Variants in STX3 observed in about 807,000 individuals in gnomAD.
STX3 encodes syntaxin 3, also known as syntaxin-3.
A neutral mutation model predicts 40.2 loss-of-function variants in STX3; 19 were observed. That is an observed-to-expected ratio of 0.47 (90% CI 0.33 to 0.69). STX3 has a LOEUF of 0.69. Among genes scored for constraint, STX3 ranks in the 30% least tolerant of loss-of-function variants. The probability of loss-of-function intolerance (pLI) is 0.02; values close to 1 mark genes in which losing one functional copy is unlikely to be tolerated. For missense variants in STX3, 364 were observed against 366.7 expected, an observed-to-expected ratio of 0.99 and a Z score of 0.06; for synonymous variants, 122 against 132.2, an observed-to-expected ratio of 0.92 and a Z score of 0.53.
chr11:59,800,090 T>C (rs1299708529), intron 10 of STX3: 9 of 985,304 alleles, frequency 9.1e-6, no homozygotes, highest in South Asian at 9.4e-5. Flanking sequence ...CTAATTAATA[T>C]GTTGTTTTTG....
At chr11:59,800,195 CTGAT>C (rs1203680816) in intron 10 of STX3, 3 of 985,286 alleles carry the variant, frequency 3.0e-6, no homozygotes, top group Non-Finnish European at 3.6e-6. Flanking sequence ...AAAGTCAAGA[CTGAT>C]TGTTGCCTAG....
intron 1 of STX3, among the ~76,000 whole-genome samples, chr11:59,764,497 A>G (rs1317964478): frequency 1.3e-5 from 2 of 152,222 alleles, no homozygotes; most frequent in Non-Finnish European, 2.9e-5. Context: ...GTATCTCTGT[A>G]GAGGTACAGA....
At position 59,798,622 on chromosome 11, in the gene STX3, C is replaced by T. The variant is rs368572344; in HGVS notation, c.*30+1226C>T. Reference sequence around the variant, plus strand: ...GCAGCCTCCGCCTCCTGGGTTCAAGCGATTCTCCTGCCTCAGCCTCCCGAG... The same window carrying T: ...GCAGCCTCCGCCTCCTGGGTTCAAGTGATTCTCCTGCCTCAGCCTCCCGAG... On this transcript the variant is annotated intron_variant, in intron 10 of 10. Transcript: ENST00000337979. Among the ~76,000 whole-genome samples the T allele has an allele frequency of 3.9e-3, 585 of 150,728 alleles. 43 individuals carry two copies. In the South Asian group the frequency reaches 0.12, roughly 30 times the overall value.
At chr11:59,788,745 AG>A in intron 3 of STX3, 127 bp from the exon 4 acceptor site, 1 of 662,688 alleles carries the variant, frequency 1.5e-6, no homozygotes, top group Non-Finnish European at 2.6e-6. Context: ...GGGAGTGCGT[AG>A]GGATAAATAC....
In STX3 at chr11:59,755,650, A is replaced by G. The variant is rs1402592723; in HGVS notation, c.30+15A>G. The G allele has an allele frequency of 6.3e-7, 1 of 1,591,520 alleles. No homozygotes were observed. Among genetic ancestry groups the G allele is most frequent in the Admixed American group, 1.7e-5 (1 of 59,392 alleles). The stretch of plus-strand genomic sequence containing the variant: ...AGCTGAAGGCCGTGAGTTTCGCCGC[A>G]GGCGGGGTGCTGCCAGGAGGGGTGC... On this transcript the variant is annotated intron_variant, in intron 1 of 10. Coordinates refer to ENST00000337979, the MANE Select transcript of STX3 (RefSeq NM_004177.5).
rs550068023 is a variant in STX3, at chr11:59,780,631, C to T, written c.115-6406C>T. On this transcript the variant is annotated intron_variant, in intron 2 of 10. Coordinates refer to ENST00000337979, the MANE Select transcript of STX3 (RefSeq NM_004177.5). ...AGACCCCGCCTCCATGGTCCCAGTT[C>T]TGCTGGTCAACTCCACCATGGTCTG... Among the ~76,000 whole-genome samples the T allele has an allele frequency of 5.1e-4, 77 of 152,296 alleles. 1 individual carries two copies. The highest frequency in any genetic ancestry group is 2.3e-3 in the Admixed American group (35 of 15,294).
intron 10 of STX3, chr11:59,799,698 C>T (rs939095333): frequency 1.0e-6 from 1 of 985,322 alleles, no homozygotes; most frequent in African/African-American, 1.7e-5. Flanking sequence ...ATTCCTCCTC[C>T]TTCCATGTGA....
In STX3 at chr11:59,802,559, T is replaced by C. The variant is rs1404986565; in HGVS notation, c.*1735T>C. The C allele has an allele frequency of 1.0e-6, 1 of 985,746 alleles. No individual in the cohort carries two copies. The highest frequency in any genetic ancestry group is 6.1e-5 in the Admixed American group (1 of 16,270). The allele number at this position is 985,746 out of a possible 1,614,324, so 61.1% of individuals were successfully genotyped here. Reference sequence around the variant, plus strand: ...ACAAGAGACAAAATAACTAAAGGCCTTTGCTCTCCTCTGACATTGAGGCCT... The same window carrying C: ...ACAAGAGACAAAATAACTAAAGGCCCTTGCTCTCCTCTGACATTGAGGCCT... On this transcript the variant is annotated 3_prime_UTR_variant, in exon 11 of 11. Transcript: ENST00000337979.
At chr11:59,795,659 C>A (rs185211613) in intron 9 of STX3, 177 bp downstream of exon 9, 7 of 1,537,422 alleles carry the variant, frequency 4.6e-6, no homozygotes, top group Non-Finnish European at 6.1e-6. Flanking sequence ...CTTTGTGGAG[C>A]GGGCCGTGGC....
At chr11:59,795,814 C>G in intron 9 of STX3, 2 of 983,584 alleles carry the variant, frequency 2.0e-6, no homozygotes, top group Non-Finnish European at 3.0e-6. Flanking sequence ...GCCTCCCTCC[C>G]TGTCGTAGCC....
intron 10 of STX3, chr11:59,800,197 G>GA (rs1325054053): frequency 1.0e-6 from 1 of 985,304 alleles, no homozygotes; most frequent in African/African-American, 1.7e-5. Context: ...AGTCAAGACT[G>GA]ATTGTTGCCT....
In STX3 at chr11:59,755,422, C is replaced by T; in HGVS notation, c.-184C>T. ...GGTGGGGGCGGAGGGGGCTGCGCGG[C>T]GGAGGCTCCCGTGGCCTCGGACGCT... On this transcript the variant is annotated 5_prime_UTR_variant, in exon 1 of 11. Transcript: ENST00000337979. The T allele has an allele frequency of 1.9e-6, 1 of 516,604 alleles. No homozygotes were observed. Among genetic ancestry groups the T allele is most frequent in the Non-Finnish European group, 3.0e-6 (1 of 329,526 alleles). The allele number at this position is 516,604 out of a possible 1,614,324, so 32.0% of individuals were successfully genotyped here.
chr11:59,788,371 G>A (rs1354868341), intron 3 of STX3, among the ~76,000 whole-genome samples: 1 of 152,216 alleles, frequency 6.6e-6, no homozygotes, highest in Non-Finnish European at 1.5e-5. Flanking sequence ...AGTTGTAGTA[G>A]GGGCTGAAGG....
At position 59,788,985 on chromosome 11, in the gene STX3, A is replaced by G. The variant is rs1430633671; in HGVS notation, c.289+38A>G. The stretch of plus-strand genomic sequence containing the variant: ...CAAAGAAAACAAGGCCGTCCCCACC[A>G]CCATCTATCTCAGCTCCCCTAGGGT... On this transcript the variant is annotated intron_variant, in intron 4 of 10. Coordinates refer to ENST00000337979, the MANE Select transcript of STX3 (RefSeq NM_004177.5). 1.9e-6 allele frequency: 3 copies of G among 1,562,268 alleles called. No individual in the cohort carries two copies. In the Admixed American group the frequency reaches 5.4e-5, roughly 28 times the overall value.
intron 10 of STX3, chr11:59,799,627 T>C: frequency 1.0e-6 from 1 of 984,840 alleles, no homozygotes; most frequent in Non-Finnish European, 1.2e-6. Flanking sequence ...TGGCACATAA[T>C]ACCATGCCAG....
At chr11:59,769,088 A>G (rs767341067) in intron 1 of STX3, among the ~76,000 whole-genome samples, 8 of 152,200 alleles carry the variant, frequency 5.3e-5, no homozygotes, top group Non-Finnish European at 8.8e-5. Context: ...TTCTTTATCC[A>G]ATCATCCATT....
intron 10 of STX3, chr11:59,800,279 G>A (rs970119683): frequency 7.7e-5 from 76 of 985,250 alleles, no homozygotes; most frequent in Non-Finnish European, 8.6e-5. Flanking sequence ...TAGACAGTGT[G>A]TTTATATTTC....
At chr11:59,792,607 A>C (rs1260806308) in intron 6 of STX3, among the ~76,000 whole-genome samples, 1 of 152,210 alleles carries the variant, frequency 6.6e-6, no homozygotes, top group Non-Finnish European at 1.5e-5. Context: ...AGAGAAATAA[A>C]TAAAGCCATA....
At position 59,792,160 on chromosome 11, in the gene STX3, T is replaced by C. The variant is rs776880008; in HGVS notation, c.411T>C (p.Ala137=). The C allele has an allele frequency of 2.5e-6, 4 of 1,613,950 alleles. No individual in the cohort carries two copies. In the African/African-American group the frequency reaches 4.0e-5, roughly 16 times the overall value. ...AGGTGATGACCAAATACAATGAAGC[T>C]CAAGTGGACTTCCGAGAACGCAGCA... ...FVEVMTKYNE[A]QVDFRERSKG... The change falls in exon 6 of 11, where the codon GCT becomes GCC. Residue 137 remains alanine (A), a synonymous_variant. Coordinates refer to ENST00000337979, the MANE Select transcript of STX3 (RefSeq NM_004177.5).
Sources: gnomAD v4.1 joint callset for allele counts (sites outside exome capture counted in the v4.1 genomes callset) on GRCh38, gnomAD v4.1.1 for gene constraint, MANE v1.5 for transcripts, NCBI Gene and HGNC (gene_info 2026-07-23, HGNC 2026-07-21) for gene names.